TAS2R1: variants seen among roughly 807,000 people sequenced by gnomAD.
The protein encoded by TAS2R1 is taste receptor type 2 member 1.
For missense variants in TAS2R1, 370 were observed against 353.4 expected, an observed-to-expected ratio of 1.05 and a Z score of -0.38; for synonymous variants, 141 against 134.2, an observed-to-expected ratio of 1.05 and a Z score of -0.35.
the TAS2R1 span, among the ~76,000 whole-genome samples, chr5:9,780,106 G>A: frequency 6.6e-6 from 1 of 152,102 alleles, no homozygotes; most frequent in African/African-American, 2.4e-5. Flanking sequence ...CTTTCTACAA[G>A]ATCATTTCCT....
At chr5:9,777,797 G>A in the TAS2R1 span, among the ~76,000 whole-genome samples, 13 of 151,906 alleles carry the variant, frequency 8.6e-5, no homozygotes, top group African/African-American at 3.1e-4. Flanking sequence ...GCTGCAGATT[G>A]ATGCTGTGTT....
At chr5:9,822,284 TTTATACTTTC>T in the TAS2R1 span, among the ~76,000 whole-genome samples, 1 of 152,054 alleles carries the variant, frequency 6.6e-6, no homozygotes, top group Non-Finnish European at 1.5e-5. Context: ...TGACCCCCCA[TTTATACTTTC>T]TCAGAAAATT....
chr5:9,711,138 C>T (rs886207701), intron 1 of TAS2R1, among the ~76,000 whole-genome samples: 2 of 151,690 alleles, frequency 1.3e-5, no homozygotes, highest in African/African-American at 2.4e-5. Flanking sequence ...AATGACCAAG[C>T]GGAATCCAGC....
intron 1 of TAS2R1, among the ~76,000 whole-genome samples, chr5:9,677,298 T>G (rs1740895769): frequency 2.0e-5 from 3 of 152,152 alleles, no homozygotes; most frequent in Admixed American, 2.0e-4. Flanking sequence ...GAAAAACAAC[T>G]AAGGGGTACT....
chr5:9,790,493 G>A, the TAS2R1 span, among the ~76,000 whole-genome samples: 17 of 152,246 alleles, frequency 1.1e-4, 1 homozygote, highest in African/African-American at 3.6e-4. Context: ...TCCCGTCAAC[G>A]GCAAGCATAA....
At chr5:9,646,195 A>G (rs1413191902) in intron 2 of TAS2R1, among the ~76,000 whole-genome samples, 6 of 152,118 alleles carry the variant, frequency 3.9e-5, no homozygotes, top group Non-Finnish European at 7.4e-5. Context: ...AGAAAAAATA[A>G]AATACAAATT....
At chr5:9,746,027 G>C in the TAS2R1 span, among the ~76,000 whole-genome samples, 1 of 152,058 alleles carries the variant, frequency 6.6e-6, no homozygotes, top group Non-Finnish European at 1.5e-5. Context: ...ATCTGACAAA[G>C]GGCTACTATC....
At chr5:9,798,374 G>A in the TAS2R1 span, among the ~76,000 whole-genome samples, 1 of 152,132 alleles carries the variant, frequency 6.6e-6, no homozygotes, top group Non-Finnish European at 1.5e-5. Flanking sequence ...TAAAACAGGT[G>A]AAATTATATG....
chr5:9,853,023 G>A, the TAS2R1 span, among the ~76,000 whole-genome samples: 2 of 152,288 alleles, frequency 1.3e-5, no homozygotes, highest in African/African-American at 2.4e-5. Flanking sequence ...CTTGGTGCAC[G>A]GGAGAGCAGT....
At chr5:9,693,251 G>GTAA (rs1269364717) in intron 1 of TAS2R1, among the ~76,000 whole-genome samples, 1 of 152,184 alleles carries the variant, frequency 6.6e-6, no homozygotes, top group Non-Finnish European at 1.5e-5. Flanking sequence ...TCTCATGCCT[G>GTAA]TAATCCCAAC....
chr5:9,785,751 G>A, the TAS2R1 span, among the ~76,000 whole-genome samples: 2 of 152,262 alleles, frequency 1.3e-5, no homozygotes, highest in East Asian at 3.9e-4. Context: ...CAGGGCAGGA[G>A]GTTCAGAGAC....
At chr5:9,812,332 A>G in the TAS2R1 span, among the ~76,000 whole-genome samples, 16 of 152,176 alleles carry the variant, frequency 1.1e-4, no homozygotes, top group Admixed American at 5.9e-4. Context: ...ATGTATGTAT[A>G]TATATGAAGT....
chr5:9,874,036 G>A, the TAS2R1 span, among the ~76,000 whole-genome samples: 1 of 151,824 alleles, frequency 6.6e-6, no homozygotes, highest in Non-Finnish European at 1.5e-5. Context: ...GGAAGAGAAA[G>A]AAAGAAAGAC....
the TAS2R1 span, among the ~76,000 whole-genome samples, chr5:9,757,821 T>C: frequency 6.6e-6 from 1 of 152,186 alleles, no homozygotes; most frequent in African/African-American, 2.4e-5. Context: ...GAACACAAAT[T>C]ACTTTTCTCA....
the TAS2R1 span, among the ~76,000 whole-genome samples, chr5:9,729,575 CT>C: frequency 2.6e-5 from 4 of 151,564 alleles, no homozygotes; most frequent in Non-Finnish European, 5.9e-5. Context: ...CCAAAAGACC[CT>C]TTTTTTTAAA....
At chr5:9,840,890 T>A in the TAS2R1 span, among the ~76,000 whole-genome samples, 8,727 of 106,776 alleles carry the variant, frequency 0.082, 748 homozygotes, top group East Asian at 0.31. Flanking sequence ...TTTTTTTTTT[T>A]TTTGAGATGG....
chr5:9,889,300 G>A, the TAS2R1 span, among the ~76,000 whole-genome samples: 26 of 152,212 alleles, frequency 1.7e-4, no homozygotes, highest in African/African-American at 6.0e-4. Flanking sequence ...GGACAGGTAC[G>A]GCAGCCCTAG....
chr5:9,724,436 T>C, the TAS2R1 span, among the ~76,000 whole-genome samples: 1 of 151,820 alleles, frequency 6.6e-6, no homozygotes, highest in Middle Eastern at 3.2e-3. Flanking sequence ...ATAAATAGTA[T>C]ACTTAACATG....
chr5:9,704,001 T>C (rs1446242088), intron 1 of TAS2R1, among the ~76,000 whole-genome samples: 1 of 152,208 alleles, frequency 6.6e-6, no homozygotes, highest in African/African-American at 2.4e-5. Flanking sequence ...TGATTTGTAG[T>C]AAAATCACAC....
Sources: allele counts gnomAD v4.1 joint callset (sites outside exome capture counted in the v4.1 genomes callset), GRCh38; gene constraint gnomAD v4.1.1; transcripts MANE v1.5; gene names NCBI Gene and HGNC (gene_info 2026-07-23, HGNC 2026-07-21).